EPB41L3: variants seen among roughly 807,000 people sequenced by gnomAD.
EPB41L3 encodes band 4.1-like protein 3.
Under a neutral mutation model 127.1 loss-of-function variants are expected in EPB41L3, and 57 were observed. The observed-to-expected ratio is 0.45, with a 90% CI of 0.36 to 0.56. EPB41L3 has a LOEUF of 0.56. Among genes scored for constraint, EPB41L3 ranks in the 20% least tolerant of loss-of-function variants. The probability of loss-of-function intolerance (pLI) is 0.00; values close to 1 mark genes in which losing one functional copy is unlikely to be tolerated. For missense variants in EPB41L3, 1,273 were observed against 1,372.2 expected (o/e 0.93, Z 1.14); for synonymous variants, 572 against 549.5 (o/e 1.04, Z -0.57).
chr18:5,489,042 A>G lies in EPB41L3; in HGVS notation c.142T>C (p.Phe48Leu). ...KEEQQQALEQFAAAAAHSTPV... is the reference protein window; with the variant it reads ...KEEQQQALEQLAAAAAHSTPV... The stretch of plus-strand genomic sequence containing the variant: ...GTGCTGTGCGCTGCAGCGGCGGCGA[A>G]CTGCTCCAGGGCCTGCTGCTGCTCC... The change falls in exon 2 of 23, where the codon TTC (phenylalanine) becomes CTC (leucine). Residue 48 changes from phenylalanine to leucine, a missense_variant. Phe to Leu is a conservative substitution (Grantham distance 22). This residue lies in a region of EPB41L3 where 182 missense variants were observed against 149.2 expected (regional missense o/e 1.22). Transcript: ENST00000341928. The G allele has an allele frequency of 6.3e-7, 1 of 1,592,794 alleles. No homozygotes were observed. Among genetic ancestry groups the G allele is most frequent in the East Asian group, 2.3e-5 (1 of 43,788 alleles).
chr18:5,628,746 C>G (rs1177022018), intron 1 of EPB41L3, among the ~76,000 whole-genome samples: 2 of 152,060 alleles, frequency 1.3e-5, no homozygotes, highest in Non-Finnish European at 2.9e-5. Context: ...TTGCTGCTCC[C>G]GAATCCGCAG....
upstream of EPB41L3, among the ~76,000 whole-genome samples, chr18:5,547,394 C>T (rs1192153993): frequency 2.0e-5 from 3 of 152,162 alleles, no homozygotes; most frequent in Admixed American, 2.0e-4. Flanking sequence ...GAACTCAGTT[C>T]TTCAGATTCT....
chr18:5,498,722 C>T (rs1006045964), intron 1 of EPB41L3, among the ~76,000 whole-genome samples: 3 of 151,762 alleles, frequency 2.0e-5, no homozygotes, highest in Non-Finnish European at 4.4e-5. Flanking sequence ...CATTTCAGAG[C>T]ATCAATGATA....
intron 3 of EPB41L3, among the ~76,000 whole-genome samples, chr18:5,451,261 T>C (rs564913560): frequency 1.2e-4 from 19 of 152,310 alleles, no homozygotes; most frequent in Non-Finnish European, 1.0e-4. Context: ...AAGTCACCAA[T>C]TAGATCTTTT....
intron 3 of EPB41L3, among the ~76,000 whole-genome samples, chr18:5,601,070 T>C (rs1242918664): frequency 6.6e-6 from 1 of 152,062 alleles, no homozygotes; most frequent in African/African-American, 2.4e-5. Context: ...ATATCCAAAA[T>C]ACATGGATAT....
At chr18:5,483,865 T>C (rs2089094643) in intron 2 of EPB41L3, among the ~76,000 whole-genome samples, 1 of 151,130 alleles carries the variant, frequency 6.6e-6, no homozygotes, top group Non-Finnish European at 1.5e-5. Flanking sequence ...AGTACAATAA[T>C]GGTAGGGGAC....
At chr18:5,468,928 AAAAAACAAAC>A (rs2085525647) in intron 3 of EPB41L3, among the ~76,000 whole-genome samples, 1 of 74,258 alleles carries the variant, frequency 1.3e-5, no homozygotes, top group Non-Finnish European at 3.4e-5. Flanking sequence ...AACAAAAAAC[AAAAAACAAAC>A]AAACAAACAA....
intron 4 of EPB41L3, among the ~76,000 whole-genome samples, chr18:5,444,502 C>T (rs1200756221): frequency 1.3e-5 from 2 of 152,184 alleles, no homozygotes; most frequent in Admixed American, 6.5e-5. Flanking sequence ...GCAATGGAAA[C>T]GATTTCCTTT....
At chr18:5,526,545 C>T (rs79598295) in intron 1 of EPB41L3, among the ~76,000 whole-genome samples, 4,789 of 152,206 alleles carry the variant, frequency 0.031, 106 homozygotes, top group East Asian at 0.093. Flanking sequence ...TCACCAATAC[C>T]TACTGAGTAC....
chr18:5,463,463 G>T (rs1273455854), intron 3 of EPB41L3, among the ~76,000 whole-genome samples: 1 of 152,140 alleles, frequency 6.6e-6, no homozygotes. Flanking sequence ...TATCCATGCG[G>T]GTTTGACCTA....
At chr18:5,548,693 T>C (rs1480826178), upstream of EPB41L3, among the ~76,000 whole-genome samples, 1 of 141,710 alleles carries the variant, frequency 7.1e-6, no homozygotes, top group Non-Finnish European at 1.5e-5. Flanking sequence ...GTAAGGGTTA[T>C]TCTAGTGATC....
intron 6 of EPB41L3, among the ~76,000 whole-genome samples, chr18:5,434,611 A>G (rs2079476921): frequency 6.6e-6 from 1 of 152,184 alleles, no homozygotes; most frequent in Admixed American, 6.5e-5. Flanking sequence ...AAAAATTCCT[A>G]TTGCTTAGTG....
At chr18:5,486,057 AG>A (rs1184476943) in intron 2 of EPB41L3, among the ~76,000 whole-genome samples, 2 of 152,172 alleles carry the variant, frequency 1.3e-5, no homozygotes, top group Non-Finnish European at 2.9e-5. Context: ...AAAAGAACAA[AG>A]CTGGAGGTAT....
chr18:5,427,555 A>T (rs1421688261), intron 9 of EPB41L3, among the ~76,000 whole-genome samples: 1 of 152,228 alleles, frequency 6.6e-6, no homozygotes, highest in Non-Finnish European at 1.5e-5. Flanking sequence ...GAACATTGAT[A>T]TAATTCACAC....
chr18:5,528,268 A>C (rs984636467), intron 1 of EPB41L3, among the ~76,000 whole-genome samples: 2 of 152,130 alleles, frequency 1.3e-5, no homozygotes, highest in Non-Finnish European at 2.9e-5. Context: ...TCCCAGGCTC[A>C]AGGAATCCTC....
intron 1 of EPB41L3, among the ~76,000 whole-genome samples, chr18:5,503,846 G>A (rs2091943856): frequency 6.6e-6 from 1 of 152,140 alleles, no homozygotes; most frequent in Admixed American, 6.5e-5. Flanking sequence ...TGAATTTTAA[G>A]ATCTTAAGGT....
chr18:5,428,233 T>C, intron 9 of EPB41L3, 80 bp downstream of exon 9: 1 of 1,544,502 alleles, frequency 6.5e-7, no homozygotes, highest in Non-Finnish European at 8.9e-7. Context: ...TGCTCAGAAC[T>C]CATAAGCAGA....
At chr18:5,582,404 C>T (rs2094402096) in intron 3 of EPB41L3, among the ~76,000 whole-genome samples, 1 of 152,138 alleles carries the variant, frequency 6.6e-6, no homozygotes, top group African/African-American at 2.4e-5. Context: ...TGGCAGCTGC[C>T]TCAAGGCTGC....
chr18:5,551,836 GTTTA>G (rs1185348756), intron 3 of EPB41L3, among the ~76,000 whole-genome samples: 1 of 152,130 alleles, frequency 6.6e-6, no homozygotes, highest in East Asian at 1.9e-4. Flanking sequence ...ATAATTGAAA[GTTTA>G]TATTTAAAAA....
Sources: allele counts gnomAD v4.1 joint callset (sites outside exome capture counted in the v4.1 genomes callset), GRCh38; gene constraint gnomAD v4.1.1; regional missense constraint gnomAD v4.1.1; transcripts MANE v1.5; gene names NCBI Gene and HGNC (gene_info 2026-07-23, HGNC 2026-07-21).